Variants in MSRA observed in about 807,000 individuals in gnomAD.
The protein encoded by MSRA is mitochondrial peptide methionine sulfoxide reductase.
In MSRA, 54 loss-of-function variants were observed where a neutral mutation model predicts 31.3. The ratio of observed to expected loss-of-function variants is 1.73; its 90% CI spans 1.39 to 2.17. The LOEUF (loss-of-function observed/expected upper bound fraction) is 2.17. Among genes scored for constraint, MSRA ranks in the 30% most tolerant of loss-of-function variants. The probability of loss-of-function intolerance (pLI) is 0.00; values close to 1 mark genes in which losing one functional copy is unlikely to be tolerated. For missense variants in MSRA, 507 were observed against 300.9 expected (o/e 1.69, Z -5.07); for synonymous variants, 169 against 116.5 (o/e 1.45, Z -2.90).
rs553082119 is a variant in MSRA, at chr8:10,301,449, G to C, written c.332-85G>C. On this transcript the variant is annotated intron_variant, in intron 3 of 5. Coordinates refer to ENST00000317173, the MANE Select transcript of MSRA (RefSeq NM_012331.5). Reference sequence around the variant, plus strand: ...TTCACAGGGTAGAGTTTCAGCTTTTGTCTGTTGTTTTTTTTGTGAACAAAA... The same window carrying C: ...TTCACAGGGTAGAGTTTCAGCTTTTCTCTGTTGTTTTTTTTGTGAACAAAA... The C allele has an allele frequency of 3.3e-5, 33 of 1,011,704 alleles. No individual in the cohort carries two copies. The African/African-American group carries it at 4.3e-4, about 13-fold the overall frequency. 62.7% of individuals were successfully genotyped at this position (1,011,704 alleles called of 1,614,324 possible). A position where few individuals can be genotyped will look rare whatever the true frequency, so the allele number is the denominator to read the frequency against.
At chr8:10,057,713 C>A (rs768496618) in intron 1 of MSRA, among the ~76,000 whole-genome samples, 1 of 152,226 alleles carries the variant, frequency 6.6e-6, no homozygotes, top group Non-Finnish European at 1.5e-5. Context: ...TGTAGCTTGC[C>A]CCTTTGCGCT....
chr8:10,368,431 A>G (rs1338070908), intron 5 of MSRA, among the ~76,000 whole-genome samples: 1 of 152,196 alleles, frequency 6.6e-6, no homozygotes, highest in East Asian at 1.9e-4. Context: ...AGAAGATGAA[A>G]GTGTGACTCC....
intron 1 of MSRA, among the ~76,000 whole-genome samples, chr8:10,173,946 G>A (rs1372331056): frequency 1.3e-5 from 2 of 152,206 alleles, no homozygotes; most frequent in Admixed American, 1.3e-4. Flanking sequence ...TTGGTTGGCT[G>A]AGGTCAGCAT....
At chr8:10,276,627 C>G (rs962578777) in intron 3 of MSRA, among the ~76,000 whole-genome samples, 1 of 152,194 alleles carries the variant, frequency 6.6e-6, no homozygotes, top group Admixed American at 6.5e-5. Flanking sequence ...AATAACATCT[C>G]ATCATTTGGA....
intron 5 of MSRA, among the ~76,000 whole-genome samples, chr8:10,376,317 C>G (rs1010791268): frequency 6.6e-6 from 1 of 152,214 alleles, no homozygotes; most frequent in Non-Finnish European, 1.5e-5. Context: ...CAGCAAATGC[C>G]ATTTGGCTCA....
chr8:10,225,143 A>C (rs1467273953), intron 2 of MSRA, among the ~76,000 whole-genome samples: 1 of 152,172 alleles, frequency 6.6e-6, no homozygotes, highest in African/African-American at 2.4e-5. Flanking sequence ...TCTCAAGAAT[A>C]AATAAATAAA....
chr8:10,056,483 T>A (rs1585055083), intron 1 of MSRA, among the ~76,000 whole-genome samples: 1 of 152,222 alleles, frequency 6.6e-6, no homozygotes, highest in East Asian at 1.9e-4. Context: ...GCTGTGAGTG[T>A]TTTTGGTACA....
intron 1 of MSRA, among the ~76,000 whole-genome samples, chr8:10,140,191 G>C (rs1017072325): frequency 6.6e-6 from 1 of 152,184 alleles, no homozygotes; most frequent in African/African-American, 2.4e-5. Context: ...AGCAAGTCCT[G>C]TTGGTTCTGA....
intron 5 of MSRA, among the ~76,000 whole-genome samples, chr8:10,363,182 T>A (rs535679328): frequency 1.3e-5 from 2 of 152,236 alleles, no homozygotes; most frequent in Non-Finnish European, 2.9e-5. Flanking sequence ...CTTGAAGCCC[T>A]GCAGTTGCTA....
intron 3 of MSRA, among the ~76,000 whole-genome samples, chr8:10,265,896 A>AC (rs1367385358): frequency 6.6e-6 from 1 of 151,874 alleles, no homozygotes; most frequent in Non-Finnish European, 1.5e-5. Flanking sequence ...CTTTGATTCC[A>AC]CCTGTTTTGA....
At chr8:10,089,038 T>C (rs1798725506) in intron 1 of MSRA, among the ~76,000 whole-genome samples, 1 of 152,084 alleles carries the variant, frequency 6.6e-6, no homozygotes, top group Admixed American at 6.5e-5. Flanking sequence ...TAAAAACAGA[T>C]ATATTGGACA....
chr8:10,329,298 C>A (rs532963904), intron 5 of MSRA, among the ~76,000 whole-genome samples: 11 of 152,192 alleles, frequency 7.2e-5, no homozygotes, highest in Non-Finnish European at 1.2e-4. Context: ...TCTGCTCCCC[C>A]AGGGGCTCCA....
At chr8:10,134,908 G>C (rs759314984) in intron 1 of MSRA, among the ~76,000 whole-genome samples, 1 of 152,228 alleles carries the variant, frequency 6.6e-6, no homozygotes, top group Non-Finnish European at 1.5e-5. Context: ...CTCTTGCCCC[G>C]GAGTGTTTGT....
At chr8:10,367,066 C>T (rs916377428) in intron 5 of MSRA, among the ~76,000 whole-genome samples, 3 of 152,176 alleles carry the variant, frequency 2.0e-5, no homozygotes, top group Non-Finnish European at 4.4e-5. Flanking sequence ...ACAATGCGAA[C>T]ATTTTAAATT....
At chr8:10,114,800 G>A (rs1800558982) in intron 1 of MSRA, among the ~76,000 whole-genome samples, 1 of 152,158 alleles carries the variant, frequency 6.6e-6, no homozygotes, top group Non-Finnish European at 1.5e-5. Context: ...TTGTAAAGAT[G>A]TCAATTCTCT....
chr8:10,194,098 G>A (rs1473837708), intron 1 of MSRA, among the ~76,000 whole-genome samples: 1 of 152,168 alleles, frequency 6.6e-6, no homozygotes, highest in African/African-American at 2.4e-5. Context: ...AATTCAAACA[G>A]CACCAAGTTC....
intron 2 of MSRA, among the ~76,000 whole-genome samples, chr8:10,238,340 T>G (rs1011273215): frequency 3.9e-5 from 6 of 152,220 alleles, no homozygotes; most frequent in African/African-American, 1.4e-4. Context: ...CTGCTTTTCT[T>G]TTCATTTTTT....
intron 4 of MSRA, among the ~76,000 whole-genome samples, chr8:10,316,537 T>G (rs1337153511): frequency 4.4e-5 from 4 of 90,050 alleles, no homozygotes; most frequent in African/African-American, 2.4e-4. Flanking sequence ...CCTCTCTCTC[T>G]CTCTCTCTCT....
intron 1 of MSRA, among the ~76,000 whole-genome samples, chr8:10,078,348 G>C (rs960614536): frequency 6.6e-6 from 1 of 152,246 alleles, no homozygotes; most frequent in Non-Finnish European, 1.5e-5. Flanking sequence ...TGAATGGTTG[G>C]TTTGGGTGTA....
Sources: allele counts gnomAD v4.1 joint callset (sites outside exome capture counted in the v4.1 genomes callset), GRCh38; gene constraint gnomAD v4.1.1; transcripts MANE v1.5; gene names NCBI Gene and HGNC (gene_info 2026-07-23, HGNC 2026-07-21).